STRBP: variants seen among roughly 807,000 people sequenced by gnomAD.
STRBP encodes spermatid perinuclear RNA binding protein, also known as spermatid perinuclear RNA-binding protein.
STRBP carries 13 observed loss-of-function variants against 80.1 expected under a neutral mutation model. The ratio of observed to expected loss-of-function variants is 0.16; its 90% confidence interval spans 0.11 to 0.26. The LOEUF is 0.26. Among genes scored for constraint, STRBP ranks in the 10% least tolerant of loss-of-function variants. The pLI is 1.00. For missense variants in STRBP, 485 were observed against 815.2 expected, an observed-to-expected ratio of 0.59 and a Z score of 4.93; for synonymous variants, 284 against 291.2, an observed-to-expected ratio of 0.98 and a Z score of 0.25.
intron 1 of STRBP, among the ~76,000 whole-genome samples, chr9:123,254,224 G>A (rs1436639359): frequency 2.0e-5 from 3 of 151,962 alleles, no homozygotes; most frequent in African/African-American, 7.2e-5. Context: ...AAGACTGAAG[G>A]GCAAGAAATC....
In STRBP at chr9:123,124,532, C is replaced by A; in HGVS notation, c.*1065G>T. 1 of 985,334 alleles carries A rather than the reference C, an allele frequency of 1.0e-6. No individual in the cohort carries two copies. The highest frequency in any genetic ancestry group is 1.2e-6 in the Non-Finnish European group (1 of 829,918). The allele number at this position is 985,334 out of a possible 1,614,324, so 61.0% of individuals were successfully genotyped here. A position where few individuals can be genotyped will look rare whatever the true frequency, so the allele number is the denominator to read the frequency against. On this transcript the variant is annotated 3_prime_UTR_variant, in exon 19 of 19. Transcript: ENST00000348403. Reference sequence around the variant, plus strand: ...AGCACTCAACAAGAACTGGGACAATCGAAGAGCAAGTTTTTATGGGGACCC... The same window carrying A: ...AGCACTCAACAAGAACTGGGACAATAGAAGAGCAAGTTTTTATGGGGACCC...
intron 2 of STRBP, among the ~76,000 whole-genome samples, chr9:123,188,267 T>C (rs1291471452): frequency 1.3e-5 from 2 of 152,232 alleles, no homozygotes; most frequent in African/African-American, 2.4e-5. Flanking sequence ...ATTCAACTAC[T>C]GAAGGACATC....
At chr9:123,204,644 A>T (rs2039447766) in intron 2 of STRBP, among the ~76,000 whole-genome samples, 1 of 152,158 alleles carries the variant, frequency 6.6e-6, no homozygotes, top group Non-Finnish European at 1.5e-5. Flanking sequence ...TATGCTGTGC[A>T]TGGTGGCTCA....
chr9:123,185,435 C>T (rs1205058364), intron 2 of STRBP, among the ~76,000 whole-genome samples: 1 of 152,012 alleles, frequency 6.6e-6, no homozygotes, highest in Non-Finnish European at 1.5e-5. Flanking sequence ...AGAAGAGATT[C>T]TAATAAATGG....
intron 2 of STRBP, among the ~76,000 whole-genome samples, chr9:123,226,688 A>T (rs114526879): frequency 0.017 from 2,562 of 152,140 alleles, 67 homozygotes; most frequent in African/African-American, 0.059. Context: ...ACGCACTGTG[A>T]CACTTTAGGT....
chr9:123,250,367 C>T (rs1327137566), intron 1 of STRBP, among the ~76,000 whole-genome samples: 1 of 152,146 alleles, frequency 6.6e-6, no homozygotes, highest in Non-Finnish European at 1.5e-5. Flanking sequence ...CTTGTGTTAA[C>T]ATATAATAGT....
At chr9:123,158,465 C>T (rs371351341) in intron 9 of STRBP, 36 bp from the exon 10 acceptor site, 9 of 1,586,718 alleles carry the variant, frequency 5.7e-6, no homozygotes, top group Non-Finnish European at 7.8e-6. Flanking sequence ...TCATTTAGAA[C>T]TGAGTTTAGA....
chr9:123,178,195 C>A (rs2038304599), intron 4 of STRBP, among the ~76,000 whole-genome samples: 1 of 152,196 alleles, frequency 6.6e-6, no homozygotes, highest in African/African-American at 2.4e-5. Context: ...TTACTTATCA[C>A]ACTGATTTAA....
intron 11 of STRBP, 111 bp from the exon 12 acceptor site, chr9:123,147,981 C>A (rs1408820683): frequency 3.3e-6 from 3 of 920,380 alleles, no homozygotes; most frequent in Non-Finnish European, 4.6e-6. Flanking sequence ...CACCAAGGAC[C>A]ATACAACTTT....
chr9:123,135,852 A>G, intron 16 of STRBP, 189 bp downstream of exon 16: 1 of 572,674 alleles, frequency 1.7e-6, no homozygotes, highest in Non-Finnish European at 3.0e-6. Context: ...TTTTGTTTAG[A>G]AAGTCCATAG....
At chr9:123,237,922 G>C (rs2040604101) in intron 1 of STRBP, among the ~76,000 whole-genome samples, 1 of 152,208 alleles carries the variant, frequency 6.6e-6, no homozygotes, top group Non-Finnish European at 1.5e-5. Flanking sequence ...TAGTAGATAA[G>C]AGAATAGGCC....
At chr9:123,240,640 A>G (rs1367445688) in intron 1 of STRBP, among the ~76,000 whole-genome samples, 1 of 152,176 alleles carries the variant, frequency 6.6e-6, no homozygotes, top group African/African-American at 2.4e-5. Context: ...AAGAGCATCA[A>G]TGGCTAAACC....
At chr9:123,232,522 A>T (rs1002891814) in intron 2 of STRBP, among the ~76,000 whole-genome samples, 10 of 152,164 alleles carry the variant, frequency 6.6e-5, no homozygotes, top group South Asian at 2.1e-4. Context: ...TTCCATTCAC[A>T]AAAGTGAGCT....
intron 2 of STRBP, among the ~76,000 whole-genome samples, chr9:123,232,572 GGCCAGATTCT>G (rs2040428208): frequency 6.6e-6 from 1 of 152,108 alleles, no homozygotes; most frequent in East Asian, 1.9e-4. Flanking sequence ...ACCAGGGTGG[GGCCAGATTCT>G]ACCTCCCAGG....
At chr9:123,261,470 C>T (rs2041159867) in intron 1 of STRBP, among the ~76,000 whole-genome samples, 1 of 152,164 alleles carries the variant, frequency 6.6e-6, no homozygotes, top group Non-Finnish European at 1.5e-5. Flanking sequence ...CTACATTATA[C>T]AGCCATCACA....
Position 123,136,012 on chromosome 9 carries a change from T to C in STRBP, c.1773+29A>G, listed in dbSNP as rs754248492. ...TAATTCCTCTAACATTTTTCACAGG[T>C]TCTGCAAAGGTTTAATGTTTACTCA... is the stretch of plus-strand genomic sequence containing the variant. On this transcript the variant is annotated intron_variant, in intron 16 of 18. Transcript: ENST00000348403. This position sits in a 1 kb window ranked among gnomAD's most constrained non-coding sequence, Gnocchi z 4.2. 2.5e-6 allele frequency: 4 copies of C among 1,609,236 alleles called. No individual in the cohort carries two copies. The highest frequency in any genetic ancestry group is 3.4e-6 in the Non-Finnish European group (4 of 1,177,350).
At position 123,173,686 on chromosome 9, in the gene STRBP, A is replaced by C; in HGVS notation, c.381T>G (p.Ile127Met). The change falls in exon 5 of 19, where the codon ATT becomes ATG. Residue 127 changes from isoleucine (I) to methionine (M), a missense_variant. Physicochemically the swap from Ile to Met is conservative, Grantham distance 10 (BLOSUM62 1). Coordinates refer to ENST00000348403, the MANE Select transcript of STRBP (RefSeq NM_018387.5). ...GTTAAACTGTACTCACCTGAATCTG[A>C]ATAGGAAGATTATCTTTGACTGTAT... ...LLNTVKDNLP[I>M]QIQKLTEEKY... is the part of the protein sequence containing the mutation. 3 of 1,611,326 alleles carry C rather than the reference A, an allele frequency of 1.9e-6. No individual in the cohort carries two copies. The highest frequency in any genetic ancestry group is 2.5e-6 in the Non-Finnish European group (3 of 1,179,124).
chr9:123,251,221 C>T (rs2040909076), intron 1 of STRBP, among the ~76,000 whole-genome samples: 1 of 151,234 alleles, frequency 6.6e-6, no homozygotes, highest in African/African-American at 2.4e-5. Context: ...TCTTTTCTCT[C>T]TCCCTCTCTC....
intron 17 of STRBP, among the ~76,000 whole-genome samples, chr9:123,130,086 C>A (rs1438171940): frequency 6.6e-6 from 1 of 152,198 alleles, no homozygotes; most frequent in African/African-American, 2.4e-5. Flanking sequence ...CAAGTACTAA[C>A]TAGGTCATTC....
Sources: allele counts gnomAD v4.1 joint callset (sites outside exome capture counted in the v4.1 genomes callset), GRCh38; gene constraint gnomAD v4.1.1; non-coding constraint Gnocchi (gnomAD v3.1); transcripts MANE v1.5; gene names NCBI Gene and HGNC (gene_info 2026-07-23, HGNC 2026-07-21).